CCSER1: variants seen among roughly 807,000 people sequenced by gnomAD.
CCSER1 encodes coiled-coil serine rich protein 1.
CCSER1 carries 41 observed loss-of-function variants against 82.0 expected under a neutral mutation model. That is an observed-to-expected ratio of 0.50 (90% confidence interval 0.39 to 0.65). CCSER1 has a LOEUF of 0.65. Ranked by LOEUF, CCSER1 falls within the 30% of genes least tolerant of loss-of-function variation. The pLI is 0.00. For missense variants in CCSER1, 1,119 were observed against 1,064.2 expected (o/e 1.05, Z -0.72); for synonymous variants, 414 against 383.9 (o/e 1.08, Z -0.92).
intron 10 of CCSER1, among the ~76,000 whole-genome samples, chr4:91,303,386 A>C (rs2149242626): frequency 6.6e-6 from 1 of 152,178 alleles, no homozygotes; most frequent in Admixed American, 6.6e-5. Context: ...GTAATGTAGT[A>C]TTTTGGATGG....
chr4:91,572,136 G>A (rs377544982), intron 10 of CCSER1, among the ~76,000 whole-genome samples: 2 of 151,998 alleles, frequency 1.3e-5, no homozygotes, highest in Non-Finnish European at 2.9e-5. Flanking sequence ...GAGAAAATAC[G>A]GGAATGGGTA....
chr4:91,242,382 CA>C (rs1164382703), intron 10 of CCSER1, among the ~76,000 whole-genome samples: 36 of 152,248 alleles, frequency 2.4e-4, no homozygotes, highest in South Asian at 2.1e-4. Flanking sequence ...GAAAAGCAAA[CA>C]CTAAAATGAC....
intron 9 of CCSER1, among the ~76,000 whole-genome samples, chr4:90,964,754 C>T (rs1207833909): frequency 9.3e-6 from 1 of 107,876 alleles, no homozygotes; most frequent in Admixed American, 8.9e-5. Context: ...AAAAAAAAAG[C>T]AACAAGAATA....
At chr4:91,570,420 G>A (rs918617183) in intron 10 of CCSER1, among the ~76,000 whole-genome samples, 2 of 152,148 alleles carry the variant, frequency 1.3e-5, no homozygotes, top group African/African-American at 4.8e-5. Flanking sequence ...CTCCATGAAG[G>A]CTCCTCCCCT....
intron 10 of CCSER1, among the ~76,000 whole-genome samples, chr4:91,105,752 A>T (rs960686790): frequency 2.0e-5 from 3 of 152,128 alleles, no homozygotes; most frequent in African/African-American, 7.2e-5. Flanking sequence ...ACCCTTGTAA[A>T]CAGTTCCCTG....
At chr4:91,093,726 G>A (rs1285196665) in intron 10 of CCSER1, among the ~76,000 whole-genome samples, 1 of 152,180 alleles carries the variant, frequency 6.6e-6, no homozygotes, top group African/African-American at 2.4e-5. Flanking sequence ...AGTGTAAAGG[G>A]CTTTGTCAAA....
chr4:90,803,661 G>A (rs1038878137), intron 7 of CCSER1, among the ~76,000 whole-genome samples: 10 of 152,196 alleles, frequency 6.6e-5, no homozygotes, highest in African/African-American at 2.2e-4. Flanking sequence ...GAATAGTGCT[G>A]CAATAAACAT....
chr4:90,654,356 T>G (rs1729323252), intron 6 of CCSER1, among the ~76,000 whole-genome samples: 1 of 152,158 alleles, frequency 6.6e-6, no homozygotes, highest in Non-Finnish European at 1.5e-5. Flanking sequence ...CCTTATTACT[T>G]TAATTTACTT....
chr4:91,549,666 G>A (rs955795735), intron 10 of CCSER1, among the ~76,000 whole-genome samples: 2 of 151,976 alleles, frequency 1.3e-5, no homozygotes, highest in Non-Finnish European at 1.5e-5. Context: ...GCACAATCCC[G>A]TCTCCACTAA....
At chr4:91,569,492 T>G (rs911710825) in intron 10 of CCSER1, among the ~76,000 whole-genome samples, 3 of 152,184 alleles carry the variant, frequency 2.0e-5, no homozygotes, top group African/African-American at 7.2e-5. Context: ...TTAAAAAAGT[T>G]TAATTGATTC....
rs1379660008 is a variant in CCSER1 at position 90,157,214 on chromosome 4, T to A, written c.-42+29383T>A. Among the ~76,000 whole-genome samples the A allele has an allele frequency of 4.6e-5, 7 of 152,350 alleles. No individual in the cohort carries two copies. The East Asian group carries it at 9.6e-4, about 21-fold the overall frequency. ...TTGAATATTGGCCCCCACTCTCTTC[T>A]GGCTTGTAGAGTTTCTGCTGAGAGA... On this transcript the variant is annotated intron_variant, in intron 1 of 10. Coordinates refer to ENST00000509176, the MANE Select transcript of CCSER1 (RefSeq NM_001145065.2).
chr4:91,523,856 G>A (rs1426264902), intron 10 of CCSER1, among the ~76,000 whole-genome samples: 2 of 151,902 alleles, frequency 1.3e-5, no homozygotes, highest in Non-Finnish European at 1.5e-5. Context: ...GAAGGGTTTT[G>A]TTGTGTCTCT....
At chr4:90,881,313 CAGACAG>C in intron 8 of CCSER1, among the ~76,000 whole-genome samples, 1 of 151,702 alleles carries the variant, frequency 6.6e-6, no homozygotes. Context: ...GACAGACAGA[CAGACAG>C]AGAGAGAGAG....
chr4:90,258,490 G>T (rs1578796801), intron 1 of CCSER1, among the ~76,000 whole-genome samples: 1 of 152,198 alleles, frequency 6.6e-6, no homozygotes, highest in South Asian at 2.1e-4. Flanking sequence ...CCAGCCTGGC[G>T]AAAGGTGAGA....
At chr4:90,319,304 T>C (rs2153485895) in intron 3 of CCSER1, among the ~76,000 whole-genome samples, 3 of 152,286 alleles carry the variant, frequency 2.0e-5, no homozygotes, top group East Asian at 1.9e-4. Context: ...TCATTTGGTA[T>C]ATACACCTTC....
chr4:91,381,138 C>T (rs2149337660), intron 10 of CCSER1, among the ~76,000 whole-genome samples: 1 of 152,262 alleles, frequency 6.6e-6, no homozygotes, highest in East Asian at 1.9e-4. Context: ...ATGGGCTTCC[C>T]TTTGTGGGTA....
At position 90,633,858 on chromosome 4, in the gene CCSER1, C is replaced by A. The variant is rs568681633; in HGVS notation, c.1932+5626C>A. On this transcript the variant is annotated intron_variant, in intron 6 of 10. Transcript: ENST00000509176. ...AATTCTGTCATCCTTTTTTAAAGAT[C>A]AGTTTCTTTTTATTAAAATGCACAT... Among the ~76,000 whole-genome samples, 7 of 151,796 alleles carry A rather than the reference C, an allele frequency of 4.6e-5. No individual in the cohort carries two copies. In the South Asian group the frequency reaches 1.5e-3, roughly 31 times the overall value.
chr4:90,922,930 A>AAAG (rs1317760169), intron 8 of CCSER1, among the ~76,000 whole-genome samples: 1 of 152,160 alleles, frequency 6.6e-6, no homozygotes, highest in African/African-American at 2.4e-5. Context: ...AGGTTTTTGG[A>AAAG]AAGAAGAAGC....
Position 91,473,379 on chromosome 4 carries a change from C to T in CCSER1, c.2218-125193C>T, listed in dbSNP as rs75156330. Among the ~76,000 whole-genome samples the T allele has an allele frequency of 9.2e-3, 1,395 of 152,140 alleles. 24 individuals are homozygous for T. Among genetic ancestry groups the T allele is most frequent in the African/African-American group, 0.031 (1,303 of 41,496 alleles). On this transcript the variant is annotated intron_variant, in intron 10 of 10. Transcript: ENST00000509176. The stretch of plus-strand genomic sequence containing the variant: ...ATAAAGTATTCCCTTTTAAGTCATC[C>T]ACAGTAGAAATCACAAAAGAACAGA...
Sources: allele counts gnomAD v4.1 joint callset (sites outside exome capture counted in the v4.1 genomes callset), GRCh38; gene constraint gnomAD v4.1.1; transcripts MANE v1.5; gene names NCBI Gene and HGNC (gene_info 2026-07-23, HGNC 2026-07-21).